PAXBP1: variants seen among roughly 807,000 people sequenced by gnomAD.
The protein encoded by PAXBP1 is PAX3- and PAX7-binding protein 1.
In PAXBP1, 44 loss-of-function variants were observed where a neutral mutation model predicts 119.9. The observed-to-expected ratio is 0.37, with a 90% CI of 0.29 to 0.47. PAXBP1 has a LOEUF of 0.47. Ranked by LOEUF, PAXBP1 falls within the 20% of genes least tolerant of loss-of-function variation. The probability of loss-of-function intolerance (pLI) is 0.99; values close to 1 mark genes in which losing one functional copy is unlikely to be tolerated. For missense variants in PAXBP1, 898 were observed against 1,134.1 expected (o/e 0.79, Z 2.99); for synonymous variants, 393 against 406.6 (o/e 0.97, Z 0.40).
rs997218715 is a variant in PAXBP1, at chr21:32,771,403, A to T, written c.266T>A (p.Leu89Gln). Residue 89 changes from leucine to glutamine, a missense_variant, in exon 1 of 18, where the codon CTG (leucine) becomes CAG (glutamine). This residue lies in a region of PAXBP1 where 299 missense variants were observed against 281.4 expected (regional missense o/e 1.06). Coordinates refer to ENST00000331923, the MANE Select transcript of PAXBP1 (RefSeq NM_016631.4). ...FPGGAEPGNG[L>Q]KPRKRPRENK... ...CTCGCGAGGCCTCTTGCGCGGCTTC[A>T]GCCCGTTGCCGGGCTCCGCGCCGCC... 4 of 1,557,796 alleles carry T rather than the reference A, an allele frequency of 2.6e-6. No individual in the cohort carries two copies. The African/African-American group carries it at 5.7e-5, about 22-fold the overall frequency.
chr21:32,767,801 T>C (rs556107294), intron 2 of PAXBP1, among the ~76,000 whole-genome samples: 1 of 152,318 alleles, frequency 6.6e-6, no homozygotes, highest in East Asian at 1.9e-4. Flanking sequence ...TTCCCAGTCT[T>C]GGGTATGTCT....
intron 3 of PAXBP1, 67 bp from the exon 4 acceptor site, chr21:32,762,384 A>C: frequency 3.3e-6 from 5 of 1,527,210 alleles, no homozygotes; most frequent in Admixed American, 2.1e-5. Context: ...TGAAAATATG[A>C]AGGGTAAAAT....
At position 32,748,526 on chromosome 21, in the gene PAXBP1, A is replaced by T. The variant is rs774324834; in HGVS notation, c.1896T>A (p.Leu632=). Residue 632 remains leucine, a synonymous_variant, in exon 11 of 18, where the codon CTT becomes CTA. Coordinates refer to ENST00000331923, the MANE Select transcript of PAXBP1 (RefSeq NM_016631.4). ...CAAGAGGAGTCCAAGTGAGGAGCTG[A>T]AGTCGTATGAGGGGGTTGAATAATT... ...LPKLFNPLIR[L]QLLTWTPLEA... 17 of 1,613,884 alleles carry T rather than the reference A, an allele frequency of 1.1e-5. No individual in the cohort carries two copies. The South Asian group carries it at 1.9e-4, about 18-fold the overall frequency.
rs1410725658 is a variant in PAXBP1 at position 32,750,026 on chromosome 21, G to GAA, written c.1723+889_1723+890dup. Among the ~76,000 whole-genome samples, 9 of 152,180 alleles carry GAA rather than the reference G, an allele frequency of 5.9e-5. No homozygotes were observed. In the South Asian group the frequency reaches 1.9e-3, roughly 32 times the overall value. On this transcript the variant is annotated intron_variant, in intron 10 of 17. Coordinates refer to ENST00000331923, the MANE Select transcript of PAXBP1 (RefSeq NM_016631.4). ...AAGGGTTTTTCCAGGATGCCATTGA[G>GAA]AAAAATTATATATGGACATGATATT...
intron 4 of PAXBP1, 75 bp downstream of exon 4, chr21:32,762,021 T>C (rs577837210): frequency 1.3e-6 from 2 of 1,487,558 alleles, no homozygotes; most frequent in African/African-American, 1.4e-5. Flanking sequence ...GCCTAAGTGA[T>C]GGAATGACAC....
chr21:32,771,698 C>G lies in PAXBP1; in HGVS notation c.-30G>C, dbSNP rs1051008485. 4.4e-6 allele frequency: 6 copies of G among 1,355,112 alleles called. No homozygotes were observed. The Admixed American group carries it at 1.9e-4, about 43-fold the overall frequency. The allele number at this position is 1,355,112 out of a possible 1,614,324, so 83.9% of individuals were successfully genotyped here. A position where few individuals can be genotyped will look rare whatever the true frequency, so the allele number is the denominator to read the frequency against. On this transcript the variant is annotated 5_prime_UTR_variant, in exon 1 of 18. Coordinates refer to ENST00000331923, the MANE Select transcript of PAXBP1 (RefSeq NM_016631.4). Reference sequence around the variant, plus strand: ...GCGGCCCGCACGGCGGTCGAATACTCGCTTCCACACCGCGGCCCCGGCAGC... The same window carrying G: ...GCGGCCCGCACGGCGGTCGAATACTGGCTTCCACACCGCGGCCCCGGCAGC...
chr21:32,758,275 T>C (rs1363743961), intron 7 of PAXBP1, among the ~76,000 whole-genome samples: 1 of 151,874 alleles, frequency 6.6e-6, no homozygotes, highest in Non-Finnish European at 1.5e-5. Flanking sequence ...AAATGTGCCT[T>C]CCAATCCAAA....
At chr21:32,738,447 T>C in intron 15 of PAXBP1, 128 bp from the exon 16 acceptor site, 1 of 713,004 alleles carries the variant, frequency 1.4e-6, no homozygotes, top group South Asian at 1.9e-5. Flanking sequence ...GAAATATTAA[T>C]ACTTTCAAAG....
At chr21:32,759,008 G>A in intron 7 of PAXBP1, 72 bp downstream of exon 7, 2 of 1,416,680 alleles carry the variant, frequency 1.4e-6, no homozygotes, top group South Asian at 2.6e-5. Context: ...ATTATAGAAT[G>A]TTCTACACAA....
In PAXBP1 at chr21:32,769,950, A is replaced by AG; in HGVS notation, c.344-9dup. 6.6e-7 allele frequency: 1 copy of AG among 1,509,954 alleles called. No individual in the cohort carries two copies. Among genetic ancestry groups the AG allele is most frequent in the Admixed American group, 2.2e-5 (1 of 45,980 alleles). 93.5% of individuals were successfully genotyped at this position (1,509,954 alleles called of 1,614,324 possible). A position where few individuals can be genotyped will look rare whatever the true frequency, so the allele number is the denominator to read the frequency against. ...TGAAAACTTCTTCATTTTCTTAAAA[A>AG]GGAAATTAAATGAAGTCTGTAGCAA... On this transcript the variant is annotated splice_polypyrimidine_tract_variant and intron_variant, in intron 1 of 17. Transcript: ENST00000331923.
chr21:32,766,476 G>A (rs1422678943), intron 2 of PAXBP1, among the ~76,000 whole-genome samples: 2 of 152,042 alleles, frequency 1.3e-5, no homozygotes, highest in Non-Finnish European at 2.9e-5. Context: ...CCTTAAACCT[G>A]GTCAGGCTCT....
chr21:32,748,755 C>A, intron 10 of PAXBP1, 57 bp from the exon 11 acceptor site: 1 of 1,463,238 alleles, frequency 6.8e-7, no homozygotes, highest in Non-Finnish European at 9.3e-7. Flanking sequence ...AGGAAAAAAA[C>A]AGTCCAATAT....
intron 12 of PAXBP1, 76 bp downstream of exon 12, chr21:32,745,498 G>C: frequency 6.4e-7 from 1 of 1,559,526 alleles, no homozygotes; most frequent in Middle Eastern, 1.7e-4. Context: ...AACATGCTCT[G>C]AATTATAAAC....
rs2043723202 is a variant in PAXBP1 at position 32,738,335 on chromosome 21, A to C, written c.2335-16T>G. On this transcript the variant is annotated splice_polypyrimidine_tract_variant and intron_variant, in intron 15 of 17. Coordinates refer to ENST00000331923, the MANE Select transcript of PAXBP1 (RefSeq NM_016631.4). ...TGCCTAACAGCTGGAAAGAAGAAAA[A>C]AAATAGGTAATGTGAAACAATTAGA... 1 of 1,571,134 alleles carries C rather than the reference A, an allele frequency of 6.4e-7. No individual in the cohort carries two copies. Among genetic ancestry groups the C allele is most frequent in the African/African-American group, 1.4e-5 (1 of 72,414 alleles).
intron 10 of PAXBP1, among the ~76,000 whole-genome samples, chr21:32,750,576 GC>G (rs1298369406): frequency 6.6e-6 from 1 of 152,178 alleles, no homozygotes; most frequent in Non-Finnish European, 1.5e-5. Context: ...AGGGCTGAGT[GC>G]TCTACTGCCA....
chr21:32,764,619 AT>A, intron 2 of PAXBP1, 95 bp from the exon 3 acceptor site: 1 of 1,015,370 alleles, frequency 9.8e-7, no homozygotes, highest in Non-Finnish European at 1.4e-6. Context: ...AATTTTTTTA[AT>A]TAAAAAAAGG....
At chr21:32,769,460 A>G (rs942054223) in intron 2 of PAXBP1, among the ~76,000 whole-genome samples, 10 of 152,192 alleles carry the variant, frequency 6.6e-5, no homozygotes, top group Middle Eastern at 6.3e-3. Context: ...CTGTCTCTAC[A>G]AAATACAAGA....
At chr21:32,754,817 C>A (rs2044017872) in intron 8 of PAXBP1, among the ~76,000 whole-genome samples, 1 of 152,126 alleles carries the variant, frequency 6.6e-6, no homozygotes, top group Non-Finnish European at 1.5e-5. Flanking sequence ...ACAACATGTC[C>A]CAGTCCCTAA....
At chr21:32,764,970 A>G (rs2044216716) in intron 2 of PAXBP1, among the ~76,000 whole-genome samples, 1 of 152,228 alleles carries the variant, frequency 6.6e-6, no homozygotes, top group South Asian at 2.1e-4. Context: ...AACAAAGCAC[A>G]TTTACAGTCC....
Sources: allele counts gnomAD v4.1 joint callset (sites outside exome capture counted in the v4.1 genomes callset), GRCh38; gene constraint gnomAD v4.1.1; regional missense constraint gnomAD v4.1.1; transcripts MANE v1.5; gene names NCBI Gene and HGNC (gene_info 2026-07-23, HGNC 2026-07-21).